Variants in HKDC1 observed in about 807,000 individuals in gnomAD.
HKDC1 encodes the protein hexokinase domain containing 1.
A neutral mutation model predicts 96.6 loss-of-function variants in HKDC1; 66 were observed. That is an observed-to-expected ratio of 0.68 (90% confidence interval 0.56 to 0.84). The LOEUF is 0.84. HKDC1 is among the 40% of genes least tolerant of loss of function. The pLI, the probability that HKDC1 is intolerant of heterozygous loss-of-function variation, is 0.00. For missense variants in HKDC1, 1,211 were observed against 1,208.1 expected, an observed-to-expected ratio of 1.00 and a Z score of -0.04; for synonymous variants, 466 against 473.1, an observed-to-expected ratio of 0.98 and a Z score of 0.20.
intron 2 of HKDC1, among the ~76,000 whole-genome samples, chr10:69,229,431 G>T (rs927508925): frequency 6.6e-6 from 1 of 152,218 alleles, no homozygotes; most frequent in African/African-American, 2.4e-5. Flanking sequence ...TGAAATCTTG[G>T]CTCTGTCCTT....
chr10:69,227,958 T>G (rs1843188144), intron 2 of HKDC1, among the ~76,000 whole-genome samples: 1 of 152,256 alleles, frequency 6.6e-6, no homozygotes, highest in African/African-American at 2.4e-5. Flanking sequence ...AGCCTCAGTT[T>G]GCCCAGCTGT....
chr10:69,239,334 G>T (rs530088421), intron 5 of HKDC1, among the ~76,000 whole-genome samples, 197 bp downstream of exon 5: 1 of 152,226 alleles, frequency 6.6e-6, no homozygotes, highest in Non-Finnish European at 1.5e-5. Context: ...AGCCTTGGTA[G>T]GCGGGGCTTG....
intron 6 of HKDC1, among the ~76,000 whole-genome samples, chr10:69,242,694 G>GACT (rs991482939): frequency 2.0e-5 from 3 of 152,192 alleles, no homozygotes; most frequent in African/African-American, 7.2e-5. Flanking sequence ...TGCTTTCTTA[G>GACT]GTGGTAGCTA....
At position 69,247,538 on chromosome 10, in the gene HKDC1, G is replaced by A. The variant is rs1843560823; in HGVS notation, c.1210G>A (p.Glu404Lys). The A allele has an allele frequency of 1.2e-6, 2 of 1,614,026 alleles. No individual in the cohort carries two copies. Among genetic ancestry groups the A allele is most frequent in the Admixed American group, 1.7e-5 (1 of 59,998 alleles). ...ACGCCTCCGGGAGAACAAGAAGGTG[G>A]AACGGCTCCGGACCACAGTGGGCAT... The part of the protein sequence containing the change: ...LTRLRENKKV[E>K]RLRTTVGMDG... Residue 404 changes from glutamate (E) to lysine (K), a missense_variant, in exon 9 of 18, where the codon GAA becomes AAA. Coordinates refer to ENST00000354624, the MANE Select transcript of HKDC1 (RefSeq NM_025130.4).
chr10:69,235,247 C>A (rs1019665874), intron 4 of HKDC1, among the ~76,000 whole-genome samples: 3 of 151,962 alleles, frequency 2.0e-5, no homozygotes, highest in Non-Finnish European at 4.4e-5. Context: ...CATGGTGAAA[C>A]CCCATCTCTA....
rs776438838 is a variant in HKDC1 at position 69,265,673 on chromosome 10, G to GT, written c.2462dup (p.Cys822ValfsTer51). ...TGAGGACAGCATCGTGGTGAAGGAG[G>GT]TGTGCGGAGCCGTGTCCCGGCGGGC... On this transcript the variant is annotated frameshift_variant, in exon 17 of 18. Transcript: ENST00000354624. LOFTEE classifies it high-confidence loss of function. 1.2e-6 allele frequency: 2 copies of GT among 1,614,084 alleles called. No homozygotes were observed. Among genetic ancestry groups the GT allele is most frequent in the South Asian group, 2.2e-5 (2 of 91,082 alleles).
chr10:69,247,295 G>T, intron 8 of HKDC1, 65 bp from the exon 9 acceptor site: 3 of 1,077,928 alleles, frequency 2.8e-6, no homozygotes, highest in Non-Finnish European at 1.4e-6. Context: ...GGAGAAGCTT[G>T]TTCCCCCAGG....
chr10:69,222,288 A>G (rs1345182668), intron 1 of HKDC1, among the ~76,000 whole-genome samples: 1 of 152,240 alleles, frequency 6.6e-6, no homozygotes, highest in Non-Finnish European at 1.5e-5. Context: ...TTGGTGGGAT[A>G]AACTCCCACT....
At chr10:69,238,951 T>C (rs373186373) in intron 4 of HKDC1, 91 bp from the exon 5 acceptor site, 20 of 799,636 alleles carry the variant, frequency 2.5e-5, no homozygotes, top group East Asian at 2.1e-4. Context: ...GAGAAGGCCA[T>C]GGGGGATGCA....
chr10:69,262,782 T>C (rs957367414), intron 16 of HKDC1, among the ~76,000 whole-genome samples: 1 of 152,312 alleles, frequency 6.6e-6, no homozygotes, highest in East Asian at 1.9e-4. Flanking sequence ...CCTTCTCCTG[T>C]CTAGTCTTCA....
chr10:69,232,939 G>T (rs531218517), intron 3 of HKDC1, 27 bp downstream of exon 3: 11 of 1,611,950 alleles, frequency 6.8e-6, no homozygotes, highest in East Asian at 6.7e-5. Flanking sequence ...TCCTGTGACC[G>T]CAGGGAAGGC....
At chr10:69,251,391 C>T (rs61868712) in intron 12 of HKDC1, among the ~76,000 whole-genome samples, 37,503 of 151,856 alleles carry the variant, frequency 0.25, 4,920 homozygotes, top group Middle Eastern at 0.32. Flanking sequence ...CCACCACACC[C>T]GGCCTACTTT....
intron 5 of HKDC1, among the ~76,000 whole-genome samples, chr10:69,240,168 C>T (rs1379561378): frequency 6.6e-6 from 1 of 151,980 alleles, no homozygotes; most frequent in African/African-American, 2.4e-5. Flanking sequence ...AAGGCTGAAA[C>T]CTGGGTGTGA....
At position 69,248,986 on chromosome 10, in the gene HKDC1, T is replaced by A; in HGVS notation, c.1570+258T>A. 7.0e-6 allele frequency: 3 copies of A among 429,906 alleles called. No individual in the cohort carries two copies. The South Asian group carries it at 1.2e-4, about 17-fold the overall frequency. 26.6% of individuals were successfully genotyped at this position (429,906 alleles called of 1,614,324 possible). A position where few individuals can be genotyped will look rare whatever the true frequency, so the allele number is the denominator to read the frequency against. On this transcript the variant is annotated intron_variant, in intron 10 of 17. Transcript: ENST00000354624. ...TTATGTGTGTGCACTTATGTGTGTG[T>A]AGATGAGAACATGAGTGTACCCCCC...
At chr10:69,243,627 G>A (rs1256314620) in intron 7 of HKDC1, among the ~76,000 whole-genome samples, 1 of 151,990 alleles carries the variant, frequency 6.6e-6, no homozygotes, top group African/African-American at 2.4e-5. Flanking sequence ...CTCCAGAGGA[G>A]TTGGGACTAC....
chr10:69,248,803 C>CT, intron 10 of HKDC1, 75 bp downstream of exon 10: 2 of 1,400,576 alleles, frequency 1.4e-6, no homozygotes, highest in Non-Finnish European at 1.9e-6. Context: ...CAGTGAGGTT[C>CT]TTGGTTTTTA....
At chr10:69,250,468 G>A (rs1843623296) in intron 11 of HKDC1, 33 bp downstream of exon 11, 12 of 1,611,948 alleles carry the variant, frequency 7.4e-6, no homozygotes, top group Non-Finnish European at 1.0e-5. Flanking sequence ...GGGCTCCGAG[G>A]TGCCAGCCTG....
At chr10:69,265,510 G>A in intron 16 of HKDC1, 75 bp from the exon 17 acceptor site, 1 of 1,256,254 alleles carries the variant, frequency 8.0e-7, no homozygotes, top group Non-Finnish European at 1.2e-6. Flanking sequence ...TAAGAATGGG[G>A]AGGCTGTGGG....
Position 69,248,718 on chromosome 10 carries a change from G to C in HKDC1, c.1560G>C (p.Pro520=), listed in dbSNP as rs766012049. 6.2e-7 allele frequency: 1 copy of C among 1,605,076 alleles called. No homozygotes were observed. Among genetic ancestry groups the C allele is most frequent in the Non-Finnish European group, 8.5e-7 (1 of 1,174,408 alleles). Residue 520 remains proline (P), a synonymous_variant, in exon 10 of 18, where the codon CCG becomes CCC. Coordinates refer to ENST00000354624, the MANE Select transcript of HKDC1 (RefSeq NM_025130.4). ...RMLPTYVCGL[P]DGTEKGKFLA... ...TGCCCACCTACGTCTGCGGGCTGCC[G>C]GACGGCACAGGTGGGCCAGCACAGC... is the stretch of plus-strand genomic sequence containing the variant.
Sources: gnomAD v4.1 joint callset for allele counts (sites outside exome capture counted in the v4.1 genomes callset) on GRCh38, gnomAD v4.1.1 for gene constraint, MANE v1.5 for transcripts, NCBI Gene and HGNC (gene_info 2026-07-23, HGNC 2026-07-21) for gene names.